MTCH2: variants seen among roughly 807,000 people sequenced by gnomAD.
MTCH2 encodes the protein mitochondrial carrier 2.
In MTCH2, 25 loss-of-function variants were observed where a neutral mutation model predicts 50.6. That is an observed-to-expected ratio of 0.49 (90% confidence interval 0.36 to 0.69). MTCH2 has a LOEUF of 0.69. Ranked by LOEUF, MTCH2 falls within the 30% of genes least tolerant of loss-of-function variation. The probability of loss-of-function intolerance (pLI) is 0.00; values close to 1 mark genes in which losing one functional copy is unlikely to be tolerated. For synonymous variants in MTCH2, 106 were observed against 132.0 expected (o/e 0.80, Z 1.35); for missense variants, 273 against 384.4 (o/e 0.71, Z 2.42).
At chr11:47,628,119 T>C (rs1276265221) in intron 9 of MTCH2, among the ~76,000 whole-genome samples, 1 of 152,188 alleles carries the variant, frequency 6.6e-6, no homozygotes, top group African/African-American at 2.4e-5. Flanking sequence ...GATTTAGTCA[T>C]ATACCCTGTG....
At chr11:47,642,276 G>A (rs1598860340) in intron 1 of MTCH2, 103 bp downstream of exon 1, 1 of 979,416 alleles carries the variant, frequency 1.0e-6, no homozygotes, top group East Asian at 3.1e-5. Context: ...GCAGCATCTC[G>A]GGAGAATGAA....
At chr11:47,636,947 A>T (rs2097309203) in intron 3 of MTCH2, among the ~76,000 whole-genome samples, 1 of 129,200 alleles carries the variant, frequency 7.7e-6, no homozygotes, top group Admixed American at 9.7e-5. Flanking sequence ...CAAAAAAGAA[A>T]ATTCAAGAAC....
chr11:47,634,879 TCTC>T, intron 4 of MTCH2, 145 bp from the exon 5 acceptor site: 1 of 512,414 alleles, frequency 2.0e-6, no homozygotes, highest in Non-Finnish European at 3.4e-6. Flanking sequence ...TACAAGTGCT[TCTC>T]CTGCCTCAGC....
intron 3 of MTCH2, among the ~76,000 whole-genome samples, 155 bp from the exon 4 acceptor site, chr11:47,635,726 T>C (rs1223571820): frequency 6.6e-6 from 1 of 152,050 alleles, no homozygotes; most frequent in East Asian, 1.9e-4. Flanking sequence ...AGTTAACTTC[T>C]ACTCATTAAT....
chr11:47,605,351 C>A, the MTCH2 span, among the ~76,000 whole-genome samples: 1 of 152,142 alleles, frequency 6.6e-6, no homozygotes, highest in African/African-American at 2.4e-5. Flanking sequence ...AGATCAGCTG[C>A]AAGCCCTTAG....
chr11:47,620,924 A>T (rs922017296), intron 12 of MTCH2, among the ~76,000 whole-genome samples: 1 of 152,196 alleles, frequency 6.6e-6, no homozygotes, highest in African/African-American at 2.4e-5. Context: ...TAAATGCCCA[A>T]TCAAGATTTG....
Position 47,639,024 on chromosome 11 carries a change from T to C in MTCH2, c.115A>G (p.Ile39Val), listed in dbSNP as rs750697961. ...TGCCGCCCAAAAATATTTCGTCCTA[T>C]TGTTGGAGGAAGAGGCTCATATCCC... ...QVGYEPLPPT[I>V]GRNIFGRQVC... is the part of the protein sequence containing the mutation. Residue 39 changes from isoleucine to valine, a missense_variant, in exon 2 of 13, where the codon ATA becomes GTA. Ile to Val is a conservative substitution (Grantham distance 29). This residue lies in a region of MTCH2 where 203 missense variants were observed against 244.3 expected (regional missense o/e 0.83). Transcript: ENST00000302503. 2 of 1,602,034 alleles carry C rather than the reference T, an allele frequency of 1.2e-6. No homozygotes were observed. The highest frequency in any genetic ancestry group is 2.2e-5 in the South Asian group (2 of 89,870).
At chr11:47,606,255 C>G in the MTCH2 span, among the ~76,000 whole-genome samples, 1 of 152,146 alleles carries the variant, frequency 6.6e-6, no homozygotes, top group Non-Finnish European at 1.5e-5. Flanking sequence ...AGTGCTTTTC[C>G]TCGGGGGAGA....
intron 3 of MTCH2, 100 bp from the exon 4 acceptor site, chr11:47,635,671 G>T: frequency 4.7e-5 from 52 of 1,104,786 alleles, no homozygotes; most frequent in South Asian, 5.9e-5. Flanking sequence ...ATTAGCTGAA[G>T]TTTTTTTTAA....
At chr11:47,614,586 C>G (rs928456834), downstream of MTCH2, among the ~76,000 whole-genome samples, 1 of 152,000 alleles carries the variant, frequency 6.6e-6, no homozygotes, top group African/African-American at 2.4e-5. Flanking sequence ...CCTGCCTCAG[C>G]CTCTTTTTTT....
chr11:47,607,588 T>G, the MTCH2 span, among the ~76,000 whole-genome samples: 1 of 152,060 alleles, frequency 6.6e-6, no homozygotes, highest in Non-Finnish European at 1.5e-5. Context: ...TACAGATGGG[T>G]GTGTGTTTCA....
intron 9 of MTCH2, among the ~76,000 whole-genome samples, chr11:47,628,397 C>A (rs2097299961): frequency 6.6e-6 from 1 of 152,142 alleles, no homozygotes; most frequent in Non-Finnish European, 1.5e-5. Flanking sequence ...AGGGCTAAGT[C>A]TCTTGGGTAT....
the MTCH2 span, among the ~76,000 whole-genome samples, chr11:47,604,914 C>T: frequency 6.6e-6 from 1 of 152,022 alleles, no homozygotes; most frequent in African/African-American, 2.4e-5. Flanking sequence ...ATATGTCTCC[C>T]ATATTTTTCT....
intron 3 of MTCH2, among the ~76,000 whole-genome samples, 159 bp from the exon 4 acceptor site, chr11:47,635,730 C>T (rs1426206948): frequency 1.3e-5 from 2 of 151,204 alleles, no homozygotes; most frequent in East Asian, 1.9e-4. Flanking sequence ...AACTTCTACT[C>T]ATTAATCAAC....
chr11:47,634,836 A>C (rs1255608569), intron 4 of MTCH2, 102 bp from the exon 5 acceptor site: 1 of 728,584 alleles, frequency 1.4e-6, no homozygotes, highest in Non-Finnish European at 2.1e-6. Flanking sequence ...GCAGTGGCAC[A>C]ATCTCGGCTC....
the MTCH2 span, among the ~76,000 whole-genome samples, chr11:47,607,708 C>T: frequency 6.6e-6 from 1 of 152,182 alleles, no homozygotes; most frequent in East Asian, 1.9e-4. Context: ...CAGCTGGCAT[C>T]TTGTTGCCAT....
At chr11:47,612,460 T>TG (rs1438221398), downstream of MTCH2, among the ~76,000 whole-genome samples, 1 of 151,898 alleles carries the variant, frequency 6.6e-6, no homozygotes, top group African/African-American at 2.4e-5. Context: ...CCCAGCTACT[T>TG]GGGGGCTGAC....
chr11:47,625,546 C>A (rs557175713), intron 11 of MTCH2, 128 bp downstream of exon 11: 18 of 705,592 alleles, frequency 2.6e-5, no homozygotes, highest in Middle Eastern at 5.5e-4. Context: ...TTTCCTCCCC[C>A]CCTTTTTAAA....
intron 4 of MTCH2, among the ~76,000 whole-genome samples, chr11:47,635,128 GAGTGC>G (rs2097307367): frequency 1.3e-5 from 2 of 151,806 alleles, no homozygotes; most frequent in South Asian, 4.1e-4. Flanking sequence ...CACTCACGCG[GAGTGC>G]AGTGATGTGA....
Sources: gnomAD v4.1 joint callset for allele counts (sites outside exome capture counted in the v4.1 genomes callset) on GRCh38, gnomAD v4.1.1 for gene constraint, gnomAD v4.1.1 regional missense constraint, MANE v1.5 for transcripts, NCBI Gene and HGNC (gene_info 2026-07-23, HGNC 2026-07-21) for gene names.